Variants in LONRF1 observed in about 807,000 individuals in gnomAD.
The protein encoded by LONRF1 is LON peptidase N-terminal domain and ring finger 1.
Under a neutral mutation model 85.8 loss-of-function variants are expected in LONRF1, and 37 were observed. The ratio of observed to expected loss-of-function variants is 0.43; its 90% CI spans 0.33 to 0.57. The LOEUF (loss-of-function observed/expected upper bound fraction) is 0.57, where lower values mean the gene tolerates loss of function less well. Ranked by LOEUF, LONRF1 falls within the 20% of genes least tolerant of loss-of-function variation. The pLI is 0.04. For missense variants in LONRF1, 1,036 were observed against 978.0 expected (o/e 1.06, Z -0.79); for synonymous variants, 517 against 390.1 (o/e 1.33, Z -3.83).
chr8:12,749,906 T>A (rs1585259494), intron 1 of LONRF1, among the ~76,000 whole-genome samples: 1 of 152,226 alleles, frequency 6.6e-6, no homozygotes, highest in East Asian at 1.9e-4. Context: ...GGACAGGGAC[T>A]TTATTTTACT....
intron 8 of LONRF1, among the ~76,000 whole-genome samples, chr8:12,730,414 GT>G (rs1408958793): frequency 6.6e-6 from 1 of 151,952 alleles, no homozygotes; most frequent in Non-Finnish European, 1.5e-5. Flanking sequence ...GTATTTTTGA[GT>G]TTTTTTCAAA....
At chr8:12,742,114 G>T (rs909331986) in intron 2 of LONRF1, among the ~76,000 whole-genome samples, 4 of 152,148 alleles carry the variant, frequency 2.6e-5, no homozygotes, top group African/African-American at 9.7e-5. Context: ...AAATCCAAAA[G>T]ATTCCTTTTC....
intron 1 of LONRF1, among the ~76,000 whole-genome samples, chr8:12,745,305 A>C (rs1160725781): frequency 7.3e-6 from 1 of 136,126 alleles, no homozygotes; most frequent in East Asian, 2.4e-4. Context: ...GATTATTTTG[A>C]ATGATTATTT....
At chr8:12,747,046 T>C (rs1799187632) in intron 1 of LONRF1, among the ~76,000 whole-genome samples, 1 of 152,238 alleles carries the variant, frequency 6.6e-6, no homozygotes, top group Admixed American at 6.5e-5. Context: ...ATTTCCTGCC[T>C]TTTATCCTCA....
rs1206374625 is a variant in LONRF1, at chr8:12,755,416, G to A, written c.5C>T (p.Ser2Phe). Residue 2 changes from serine to phenylalanine, a missense_variant, in exon 1 of 12, where the codon TCC (serine) becomes TTC (phenylalanine). By Grantham distance (155) the Ser-to-Phe change is radical. Coordinates refer to ENST00000398246, the MANE Select transcript of LONRF1 (RefSeq NM_152271.5). Reference sequence around the variant, plus strand: ...GGAGGTCCTCGCCACCGCCGGAGAGGACATGGCCCGCGGAGGGCTGCGCCG... The same window carrying A: ...GGAGGTCCTCGCCACCGCCGGAGAGAACATGGCCCGCGGAGGGCTGCGCCG... M[S>F]SPAVARTSPG... 1.9e-5 allele frequency: 22 copies of A among 1,149,354 alleles called. No individual in the cohort carries two copies. The East Asian group carries it at 7.6e-4, about 40-fold the overall frequency. 71.2% of individuals were successfully genotyped at this position (1,149,354 alleles called of 1,614,324 possible).
chr8:12,755,399 T>C lies in LONRF1; in HGVS notation c.22A>G (p.Arg8Gly), dbSNP rs553839687. The change falls in exon 1 of 12, where the codon AGG (arginine) becomes GGG (glycine). Residue 8 changes from arginine (R) to glycine (G), a missense_variant. Arg to Gly is a moderately radical substitution (Grantham distance 125). Transcript: ENST00000398246. MSSPAVA[R>G]TSPGGSREMA... ...TCCCGACTCCCTCCTGGGGAGGTCC[T>C]CGCCACCGCCGGAGAGGACATGGCC... 13 of 1,167,126 alleles carry C rather than the reference T, an allele frequency of 1.1e-5. No homozygotes were observed. In the South Asian group the frequency reaches 4.6e-4, roughly 41 times the overall value. The allele number at this position is 1,167,126 out of a possible 1,614,324, so 72.3% of individuals were successfully genotyped here.
At chr8:12,746,158 C>A (rs564246317) in intron 1 of LONRF1, among the ~76,000 whole-genome samples, 1 of 152,270 alleles carries the variant, frequency 6.6e-6, no homozygotes, top group East Asian at 1.9e-4. Flanking sequence ...GTTAGGCTCC[C>A]CAAATCTCTA....
chr8:12,735,729 T>C (rs1713986029), intron 6 of LONRF1: 1 of 187,836 alleles, frequency 5.3e-6, no homozygotes, highest in African/African-American at 2.3e-5. Context: ...GTAAAATACA[T>C]ACCAGATTTC....
intron 5 of LONRF1, 49 bp downstream of exon 5, chr8:12,736,851 T>G: frequency 1.9e-6 from 3 of 1,578,692 alleles, no homozygotes; most frequent in Non-Finnish European, 2.6e-6. Context: ...TTAAAGACTA[T>G]TCTGACTAAA....
In LONRF1 at chr8:12,728,885, G is replaced by A. The variant is rs779910813; in HGVS notation, c.2010+16C>T. ...GGATATACGAAAGTATGCTGGCAAA[G>A]CACATTTTAAAATACCTTAACATCT... On this transcript the variant is annotated intron_variant, in intron 10 of 11. Coordinates refer to ENST00000398246, the MANE Select transcript of LONRF1 (RefSeq NM_152271.5). 5 of 1,613,466 alleles carry A rather than the reference G, an allele frequency of 3.1e-6. No homozygotes were observed. Among genetic ancestry groups the A allele is most frequent in the Non-Finnish European group, 4.2e-6 (5 of 1,179,592 alleles).
chr8:12,754,776 G>A lies in LONRF1; in HGVS notation c.645C>T (p.Ala215=). The A allele has an allele frequency of 1.4e-6, 2 of 1,473,272 alleles. No homozygotes were observed. Among genetic ancestry groups the A allele is most frequent in the Non-Finnish European group, 1.8e-6 (2 of 1,120,410 alleles). 91.3% of individuals were successfully genotyped at this position (1,473,272 alleles called of 1,614,324 possible). The part of the protein sequence containing the change: ...FPGQRERARA[A]GRLGELLHQG... Reference sequence around the variant, plus strand: ...GGTGCAGTAGCTCCCCGAGCCTGCCGGCCGCCCGGGCCCGCTCGCGCTGGC... The same window carrying A: ...GGTGCAGTAGCTCCCCGAGCCTGCCAGCCGCCCGGGCCCGCTCGCGCTGGC... Residue 215 remains alanine (A), a synonymous_variant, in exon 1 of 12, where the codon GCC becomes GCT. Coordinates refer to ENST00000398246, the MANE Select transcript of LONRF1 (RefSeq NM_152271.5).
chr8:12,746,876 G>A (rs2117327355), intron 1 of LONRF1, among the ~76,000 whole-genome samples: 1 of 152,286 alleles, frequency 6.6e-6, no homozygotes, highest in Middle Eastern at 3.4e-3. Context: ...CTACCCCAAG[G>A]CTTACTCTAG....
chr8:12,724,427 C>T (rs1459514601), intron 11 of LONRF1, among the ~76,000 whole-genome samples: 1 of 152,200 alleles, frequency 6.6e-6, no homozygotes, highest in Admixed American at 6.5e-5. Flanking sequence ...TTGGCTGTTT[C>T]TGATGCAGGA....
At chr8:12,748,104 T>G (rs1046208710) in intron 1 of LONRF1, among the ~76,000 whole-genome samples, 1 of 152,242 alleles carries the variant, frequency 6.6e-6, no homozygotes, top group Non-Finnish European at 1.5e-5. Flanking sequence ...CTTCCAACTT[T>G]TGGCAGTATA....
At chr8:12,737,736 A>G (rs1798775203) in intron 4 of LONRF1, among the ~76,000 whole-genome samples, 1 of 152,210 alleles carries the variant, frequency 6.6e-6, no homozygotes, top group South Asian at 2.1e-4. Flanking sequence ...CTGAGGAAAC[A>G]TAAATGCAAT....
intron 6 of LONRF1, among the ~76,000 whole-genome samples, 154 bp downstream of exon 6, chr8:12,736,547 G>C (rs1159622680): frequency 6.6e-6 from 1 of 152,094 alleles, no homozygotes. Context: ...TTTGCCCAAG[G>C]CATGAAAGGT....
chr8:12,749,249 G>A (rs894082877), intron 1 of LONRF1, among the ~76,000 whole-genome samples: 9 of 152,134 alleles, frequency 5.9e-5, no homozygotes, highest in African/African-American at 1.7e-4. Flanking sequence ...CCACATAAAT[G>A]GTAGCCTAGA....
chr8:12,745,025 G>T (rs1002272195), intron 1 of LONRF1, among the ~76,000 whole-genome samples: 4 of 151,974 alleles, frequency 2.6e-5, no homozygotes, highest in Non-Finnish European at 4.4e-5. Context: ...CGGCAGCAGT[G>T]AAAGAAGTGA....
intron 3 of LONRF1, among the ~76,000 whole-genome samples, chr8:12,740,462 A>C (rs1379776167): frequency 1.3e-5 from 2 of 152,142 alleles, no homozygotes; most frequent in East Asian, 1.9e-4. Flanking sequence ...TGGAGTATTG[A>C]AAAAACTAAG....
Sources: allele counts gnomAD v4.1 joint callset (sites outside exome capture counted in the v4.1 genomes callset), GRCh38; gene constraint gnomAD v4.1.1; transcripts MANE v1.5; gene names NCBI Gene and HGNC (gene_info 2026-07-23, HGNC 2026-07-21).